Variants in STAC3 observed in about 807,000 individuals in gnomAD.
STAC3 encodes SH3 and cysteine-rich domain-containing protein 3.
STAC3 carries 30 observed loss-of-function variants against 48.5 expected under a neutral mutation model. The ratio of observed to expected loss-of-function variants is 0.62; its 90% CI spans 0.46 to 0.84. The LOEUF (loss-of-function observed/expected upper bound fraction) is 0.84, where lower values mean the gene tolerates loss of function less well. Among genes scored for constraint, STAC3 ranks in the 40% least tolerant of loss-of-function variants. STAC3 has a pLI of 0.00. For missense variants in STAC3, 419 were observed against 462.6 expected (o/e 0.91, Z 0.86); for synonymous variants, 144 against 158.6 (o/e 0.91, Z 0.69).
Position 57,248,807 on chromosome 12 carries a change from G to T in STAC3, c.335-4C>A. ...CGAAGCCCAAACTTGTTGTTGACTT[G>T]GGAAAGGGGGAGAAAATTCAGATAA... is the stretch of plus-strand genomic sequence containing the variant. On this transcript the variant is annotated splice_polypyrimidine_tract_variant and splice_region_variant and intron_variant, in intron 3 of 11. Transcript: ENST00000332782. 1 of 1,612,040 alleles carries T rather than the reference G, an allele frequency of 6.2e-7. No individual in the cohort carries two copies. Among genetic ancestry groups the T allele is most frequent in the South Asian group, 1.1e-5 (1 of 90,964 alleles).
At chr12:57,248,598 C>A in intron 4 of STAC3, 108 bp downstream of exon 4, 1 of 834,644 alleles carries the variant, frequency 1.2e-6, no homozygotes, top group South Asian at 1.4e-5. Context: ...TGGTCTCGAT[C>A]TCCTGACCTC....
intron 4 of STAC3, chr12:57,248,401 C>T (rs1268938378): frequency 9.5e-5 from 50 of 527,244 alleles, no homozygotes; most frequent in Non-Finnish European, 1.3e-4. Flanking sequence ...TTTTTTGAGA[C>T]GGAGTCTCGC....
Position 57,246,863 on chromosome 12 carries a change from G to A in STAC3, c.544C>T (p.Arg182Cys), listed in dbSNP as rs768476164. The change falls in exon 6 of 12, where the codon CGC becomes TGC. Residue 182 changes from arginine to cysteine, a missense_variant. Coordinates refer to ENST00000332782, the MANE Select transcript of STAC3 (RefSeq NM_145064.3). ...TTGTTTGCCATGATCACCCCAGTGC[G>A]CAGGGTTTCAAACACAGGATCATTG... ...NRNDPVFETLRTGVIMANKER... is the reference protein window; with the variant it reads ...NRNDPVFETLCTGVIMANKER... 1.2e-5 allele frequency: 20 copies of A among 1,613,772 alleles called. 1 individual carries two copies. The South Asian group carries it at 1.4e-4, about 12-fold the overall frequency.
chr12:57,245,666 G>A (rs562225019), intron 6 of STAC3, among the ~76,000 whole-genome samples: 7 of 150,608 alleles, frequency 4.6e-5, no homozygotes, highest in South Asian at 2.2e-4. Flanking sequence ...CACTGTGCCC[G>A]GCCATGCAGG....
chr12:57,248,488 C>A (rs1391778074), intron 4 of STAC3: 3 of 591,994 alleles, frequency 5.1e-6, no homozygotes, highest in Non-Finnish European at 9.1e-6. Flanking sequence ...ACGCCATTCT[C>A]CTGCCTCAGC....
Position 57,243,582 on chromosome 12 carries a change from G to A in STAC3, c.*230C>T, listed in dbSNP as rs1014313894. The A allele has an allele frequency of 4.4e-6, 3 of 688,296 alleles. No individual in the cohort carries two copies. Among genetic ancestry groups the A allele is most frequent in the Non-Finnish European group, 7.9e-6 (3 of 378,082 alleles). 42.6% of individuals were successfully genotyped at this position (688,296 alleles called of 1,614,324 possible). A position where few individuals can be genotyped will look rare whatever the true frequency, so the allele number is the denominator to read the frequency against. ...GCGTTTTTTTCCAGCTCTTGCAAGC[G>A]GGGCCTGAAAGGTTTCGGGTCCGGG... On this transcript the variant is annotated 3_prime_UTR_variant, in exon 12 of 12. Coordinates refer to ENST00000332782, the MANE Select transcript of STAC3 (RefSeq NM_145064.3).
At chr12:57,248,268 G>A in intron 4 of STAC3, 70 bp from the exon 5 acceptor site, 1 of 1,235,234 alleles carries the variant, frequency 8.1e-7, no homozygotes, top group Non-Finnish European at 1.2e-6. Context: ...TCTCCCAGGA[G>A]TGCTCACCCT....
rs372680982 is a variant in STAC3, at chr12:57,243,929, A to G, written c.997-19T>C. 11 of 1,612,696 alleles carry G rather than the reference A, an allele frequency of 6.8e-6. No homozygotes were observed. The African/African-American group carries it at 1.3e-4, about 20-fold the overall frequency. On this transcript the variant is annotated intron_variant, in intron 11 of 11. Transcript: ENST00000332782. ...CCACGATCTAGAAGATTAAAGGATC[A>G]GAAGTAGGAGAGGAATCAAAGGAAA... is the stretch of plus-strand genomic sequence containing the variant.
At chr12:57,244,045 A>T in intron 11 of STAC3, 43 bp downstream of exon 11, 1 of 1,613,554 alleles carries the variant, frequency 6.2e-7, no homozygotes, top group Non-Finnish European at 8.5e-7. Context: ...GTGGTGGGCT[A>T]GGGAGCATTC....
chr12:57,243,737 G>C lies in STAC3; in HGVS notation c.*75C>G. On this transcript the variant is annotated 3_prime_UTR_variant, in exon 12 of 12. Coordinates refer to ENST00000332782, the MANE Select transcript of STAC3 (RefSeq NM_145064.3). Reference sequence around the variant, plus strand: ...CTCTCCCAGCAGTCCCGTTGCTTTCGCCCCCCTCCCCAAACTCCACTGGGC... The same window carrying C: ...CTCTCCCAGCAGTCCCGTTGCTTTCCCCCCCCTCCCCAAACTCCACTGGGC... 1 of 1,398,692 alleles carries C rather than the reference G, an allele frequency of 7.1e-7. No homozygotes were observed. Among genetic ancestry groups the C allele is most frequent in the Non-Finnish European group, 1.0e-6 (1 of 997,062 alleles). The allele number at this position is 1,398,692 out of a possible 1,614,324, so 86.6% of individuals were successfully genotyped here. A position where few individuals can be genotyped will look rare whatever the true frequency, so the allele number is the denominator to read the frequency against.
At chr12:57,244,255 C>G (rs1169534545) in intron 10 of STAC3, 30 bp from the exon 11 acceptor site, 1 of 1,614,240 alleles carries the variant, frequency 6.2e-7, no homozygotes, top group Non-Finnish European at 8.5e-7. Flanking sequence ...GAGTCCATCT[C>G]TCAATGTCGG....
At chr12:57,248,854 T>C (rs773706274) in intron 3 of STAC3, 51 bp from the exon 4 acceptor site, 4 of 1,546,186 alleles carry the variant, frequency 2.6e-6, no homozygotes, top group African/African-American at 2.7e-5. Context: ...GCCCTTTCCC[T>C]TTGTACCACT....
At chr12:57,250,001 C>T (rs189916881) in intron 1 of STAC3, among the ~76,000 whole-genome samples, 94 of 152,336 alleles carry the variant, frequency 6.2e-4, no homozygotes, top group African/African-American at 1.7e-3. Flanking sequence ...CTGTTTCAAC[C>T]TCCCAAATTG....
chr12:57,247,510 T>C (rs1049809670), intron 5 of STAC3, among the ~76,000 whole-genome samples: 2 of 144,136 alleles, frequency 1.4e-5, no homozygotes, highest in Non-Finnish European at 3.0e-5. Context: ...CTCGGCTCAC[T>C]GCAAGCTCCG....
intron 5 of STAC3, among the ~76,000 whole-genome samples, chr12:57,247,204 A>G: frequency 6.6e-6 from 1 of 152,126 alleles, no homozygotes; most frequent in Non-Finnish European, 1.5e-5. Context: ...GAGCTGAGAC[A>G]TGCGCAGAAT....
intron 9 of STAC3, 74 bp downstream of exon 9, chr12:57,244,457 CCCTTTT>C: frequency 6.2e-7 from 1 of 1,612,210 alleles, no homozygotes; most frequent in East Asian, 2.2e-5. Context: ...CCTGAGTCCC[CCCTTTT>C]CCTTTCCCTT....
chr12:57,249,321 G>C lies in STAC3; in HGVS notation c.67-13C>G, dbSNP rs547886023. 2 of 1,563,412 alleles carry C rather than the reference G, an allele frequency of 1.3e-6. No individual in the cohort carries two copies. Among genetic ancestry groups the C allele is most frequent in the Non-Finnish European group, 1.7e-6 (2 of 1,155,060 alleles). ...TTAGCCGCTGTAGCTGAGGGAGGGA[G>C]TGAAGAAAACCCAATGTTAAAAGGA... On this transcript the variant is annotated splice_polypyrimidine_tract_variant and intron_variant, in intron 2 of 11. Coordinates refer to ENST00000332782, the MANE Select transcript of STAC3 (RefSeq NM_145064.3).
At position 57,249,235 on chromosome 12, in the gene STAC3, TG is replaced by T. The variant is rs1324111389; in HGVS notation, c.139del (p.Gln47ArgfsTer63). ...TKEMELPPEP[Q>X]ANGEAVGAGG... ...AGCTCCCACTGCCTCCCCATTGGCC[TG>T]GGGCTCTGGGGGAAGTTCCATCTCC... On this transcript the variant is annotated frameshift_variant, in exon 3 of 12. Coordinates refer to ENST00000332782, the MANE Select transcript of STAC3 (RefSeq NM_145064.3). LOFTEE classifies it high-confidence loss of function. 1 of 1,614,004 alleles carries T rather than the reference TG, an allele frequency of 6.2e-7. No individual in the cohort carries two copies. Among genetic ancestry groups the T allele is most frequent in the African/African-American group, 1.3e-5 (1 of 75,032 alleles).
intron 6 of STAC3, among the ~76,000 whole-genome samples, chr12:57,246,539 AT>A (rs1211617376): frequency 6.6e-6 from 1 of 151,392 alleles, no homozygotes; most frequent in Non-Finnish European, 1.5e-5. Flanking sequence ...CCACACCCGG[AT>A]TTTTTATTTT....
Sources: gnomAD v4.1 joint callset for allele counts (sites outside exome capture counted in the v4.1 genomes callset) on GRCh38, gnomAD v4.1.1 for gene constraint, MANE v1.5 for transcripts, NCBI Gene and HGNC (gene_info 2026-07-23, HGNC 2026-07-21) for gene names.